SNRPN: variants seen among roughly 807,000 people sequenced by gnomAD.
SNRPN encodes the protein small nuclear ribonucleoprotein polypeptide N.
Under a neutral mutation model 25.2 loss-of-function variants are expected in SNRPN, and 7 were observed. That is an observed-to-expected ratio of 0.28 (90% CI 0.16 to 0.52). SNRPN has a LOEUF of 0.52. SNRPN is among the 20% of genes least tolerant of loss of function. The pLI is 0.96. For missense variants in SNRPN, 196 were observed against 322.5 expected (o/e 0.61, Z 3.00); for synonymous variants, 124 against 110.6 (o/e 1.12, Z -0.76).
chr15:24,897,009 CG>C (rs1436613186), intron 2 of SNRPN, among the ~76,000 whole-genome samples: 2 of 151,798 alleles, frequency 1.3e-5, no homozygotes, highest in African/African-American at 2.4e-5. Flanking sequence ...AAAAATTACC[CG>C]GGCACAGTGG....
chr15:24,901,497 T>C (rs958172029), intron 2 of SNRPN, among the ~76,000 whole-genome samples: 1 of 152,148 alleles, frequency 6.6e-6, no homozygotes, highest in Admixed American at 6.6e-5. Flanking sequence ...ACACGGACCA[T>C]GAAAAGAACA....
At chr15:24,973,115 T>C (rs1299335212) in intron 3 of SNRPN, among the ~76,000 whole-genome samples, 1 of 152,204 alleles carries the variant, frequency 6.6e-6, no homozygotes, top group South Asian at 2.1e-4. Flanking sequence ...TCTTGAATTC[T>C]TGACCTCAGG....
At chr15:24,946,922 TAAAG>T (rs1359261521) in intron 3 of SNRPN, among the ~76,000 whole-genome samples, 1 of 152,190 alleles carries the variant, frequency 6.6e-6, no homozygotes, top group African/African-American at 2.4e-5. Context: ...TAAATAAAAA[TAAAG>T]AGAGCTGCTC....
intron 2 of SNRPN, among the ~76,000 whole-genome samples, chr15:24,845,957 C>T (rs59377164): frequency 0.03 from 4,547 of 151,038 alleles, 182 homozygotes; most frequent in African/African-American, 0.096. Flanking sequence ...TGGTGGCAAG[C>T]GCCTGTAATC....
At chr15:24,970,642 A>C (rs1205968839) in intron 3 of SNRPN, among the ~76,000 whole-genome samples, 6 of 152,210 alleles carry the variant, frequency 3.9e-5, no homozygotes. Context: ...ACCAGGGTAC[A>C]TATCCAACTG....
At chr15:24,917,762 C>G (rs1004045266) in intron 2 of SNRPN, among the ~76,000 whole-genome samples, 4 of 152,208 alleles carry the variant, frequency 2.6e-5, no homozygotes, top group Admixed American at 2.6e-4. Flanking sequence ...TTCATGTTCT[C>G]TCGTTTTTAT....
At chr15:24,956,316 C>T (rs753147725) in intron 1 of SNRPN, among the ~76,000 whole-genome samples, 2 of 145,438 alleles carry the variant, frequency 1.4e-5, no homozygotes, top group Non-Finnish European at 3.0e-5. Context: ...TCAAGATGGC[C>T]GCCGCTGCAG....
chr15:24,909,921 T>C, intron 2 of SNRPN: 1 of 563,514 alleles, frequency 1.8e-6, no homozygotes, highest in Non-Finnish European at 3.2e-6. Flanking sequence ...TAATCTTCAG[T>C]GGGTACCTGG....
At chr15:24,852,864 G>T (rs1446321704), upstream of SNRPN, among the ~76,000 whole-genome samples, 1 of 152,148 alleles carries the variant, frequency 6.6e-6, no homozygotes, top group Non-Finnish European at 1.5e-5. Flanking sequence ...GAGCTTGGGA[G>T]GTCAAGGTTC....
chr15:24,872,188 C>T lies in SNRPN; in HGVS notation c.-578-14328C>T, dbSNP rs957335368. Among the ~76,000 whole-genome samples, 24 of 118,040 alleles carry T rather than the reference C, an allele frequency of 2.0e-4. 4 individuals are homozygous for T. Among genetic ancestry groups the T allele is most frequent in the African/African-American group, 6.6e-4 (23 of 34,638 alleles). The allele number at this position is 118,040 out of a possible 152,430, so 77.4% of individuals were successfully genotyped here. ...TTTTAAAATAACTTTTTTTTTGAGA[C>T]ATGAGTATCACTTTTGTTGCCCAGG... is the stretch of plus-strand genomic sequence containing the variant. On this transcript the variant is annotated intron_variant, in intron 1 of 11. Transcript: ENST00000400097.
chr15:24,958,159 TTA>T (rs1412886753), intron 1 of SNRPN, among the ~76,000 whole-genome samples: 4 of 152,232 alleles, frequency 2.6e-5, no homozygotes, highest in South Asian at 2.1e-4. Context: ...CTCTGTATCT[TTA>T]TGTTTCCCTT....
chr15:24,895,700 C>G (rs779618821), intron 2 of SNRPN, among the ~76,000 whole-genome samples: 1 of 152,064 alleles, frequency 6.6e-6, no homozygotes, highest in Non-Finnish European at 1.5e-5. Context: ...CAAAGGTACT[C>G]TCTTTGTGTT....
chr15:24,845,988 G>T (rs2052162009), intron 2 of SNRPN, among the ~76,000 whole-genome samples: 1 of 152,030 alleles, frequency 6.6e-6, no homozygotes, highest in Non-Finnish European at 1.5e-5. Context: ...AGGAGGCTAA[G>T]GCAGGAGAAT....
At chr15:24,922,578 T>G (rs922580367) in intron 3 of SNRPN, among the ~76,000 whole-genome samples, 3 of 152,214 alleles carry the variant, frequency 2.0e-5, no homozygotes, top group Non-Finnish European at 4.4e-5. Flanking sequence ...ATGCTGCTCT[T>G]TGTAATTTTA....
intron 2 of SNRPN, chr15:24,910,978 C>T: frequency 9.3e-7 from 1 of 1,079,446 alleles, no homozygotes; most frequent in Non-Finnish European, 1.4e-6. Context: ...ACTGTTGGCA[C>T]ATGGCTAAAG....
At chr15:24,968,303 G>T in intron 3 of SNRPN, 2 of 346,130 alleles carry the variant, frequency 5.8e-6, no homozygotes, top group African/African-American at 2.1e-5. Context: ...ATGCTTTTCA[G>T]GTAGTTTTCT....
intron 1 of SNRPN, among the ~76,000 whole-genome samples, chr15:24,825,843 T>C (rs2050041808): frequency 6.6e-6 from 1 of 152,160 alleles, no homozygotes; most frequent in Non-Finnish European, 1.5e-5. Flanking sequence ...TGTGTATTGC[T>C]TTCTCACAAT....
chr15:24,874,285 G>C (rs1458513415), intron 1 of SNRPN, among the ~76,000 whole-genome samples: 3 of 142,722 alleles, frequency 2.1e-5, no homozygotes, highest in East Asian at 2.1e-4. Context: ...ACTCCAGCCT[G>C]GGTGACAGAG....
In SNRPN at chr15:24,879,686, G is replaced by A. The variant is rs116132794; in HGVS notation, c.-578-6830G>A. ...ATTTTTTTGTTTGCATATGGCCTGA[G>A]GGTCAAATTCTGCCCAGCATGTTTG... On this transcript the variant is annotated intron_variant, in intron 1 of 11. Coordinates refer to the SNRPN transcript ENST00000400097. 7.1e-3 allele frequency among the ~76,000 whole-genome samples: 1,079 copies of A among 152,226 alleles called. 16 individuals are homozygous for A. The highest frequency in any genetic ancestry group is 0.025 in the African/African-American group (1,030 of 41,538).
Sources: allele counts gnomAD v4.1 joint callset (sites outside exome capture counted in the v4.1 genomes callset), GRCh38; gene constraint gnomAD v4.1.1; transcripts MANE v1.5; gene names NCBI Gene and HGNC (gene_info 2026-07-23, HGNC 2026-07-21).